MEOX1: variants seen among roughly 807,000 people sequenced by gnomAD.
MEOX1 encodes the protein homeobox protein MOX-1.
Under a neutral mutation model 23.2 loss-of-function variants are expected in MEOX1, and 17 were observed. The observed-to-expected ratio is 0.73, with a 90% confidence interval of 0.50 to 1.10. The LOEUF is 1.10. Among genes scored for constraint, MEOX1 ranks in the 50% least tolerant of loss-of-function variants. The pLI, the probability that MEOX1 is intolerant of heterozygous loss-of-function variation, is 0.00. For synonymous variants in MEOX1, 134 were observed against 135.1 expected, an observed-to-expected ratio of 0.99 and a Z score of 0.06; for missense variants, 333 against 332.2, an observed-to-expected ratio of 1.00 and a Z score of -0.02.
chr17:43,660,893 A>G (rs1055531830), intron 1 of MEOX1, among the ~76,000 whole-genome samples, 173 bp downstream of exon 1: 1 of 152,072 alleles, frequency 6.6e-6, no homozygotes, highest in Non-Finnish European at 1.5e-5. Flanking sequence ...CCCCATCACC[A>G]GAGAATCCTA....
chr17:43,660,183 G>A (rs566307127), intron 1 of MEOX1, among the ~76,000 whole-genome samples: 1 of 152,334 alleles, frequency 6.6e-6, no homozygotes, highest in South Asian at 2.1e-4. Context: ...CAGGTATAGT[G>A]AGCAACCAGG....
At chr17:43,651,258 G>A (rs758662186) in intron 1 of MEOX1, among the ~76,000 whole-genome samples, 2 of 152,184 alleles carry the variant, frequency 1.3e-5, no homozygotes, top group South Asian at 2.1e-4. Flanking sequence ...GGCCGAGCTT[G>A]CAGGAAGCCT....
intron 1 of MEOX1, among the ~76,000 whole-genome samples, chr17:43,657,277 A>G (rs915906548): frequency 7.0e-6 from 1 of 142,544 alleles, no homozygotes; most frequent in African/African-American, 2.6e-5. Context: ...AGTTCAAGCT[A>G]TTCTCCTGCC....
At chr17:43,645,322 G>A (rs1598260510) in intron 1 of MEOX1, among the ~76,000 whole-genome samples, 2 of 151,730 alleles carry the variant, frequency 1.3e-5, no homozygotes, top group African/African-American at 4.8e-5. Flanking sequence ...GACTACAGGC[G>A]CCCGCCACCA....
chr17:43,642,129 C>A, intron 2 of MEOX1, 97 bp from the exon 3 acceptor site: 1 of 1,368,526 alleles, frequency 7.3e-7, no homozygotes, highest in Non-Finnish European at 1.0e-6. Flanking sequence ...CTCCAGGGAC[C>A]CCAGCTTGAA....
rs974479173 is a variant in MEOX1 at position 43,651,737 on chromosome 17, C to G, written c.470-8077G>C. Reference sequence around the variant, plus strand: ...ATTCTCTGCCTCTGAGTTATCCCCCCTCCCTGGGCCCAAGTGCCCGTGATT... The same window carrying G: ...ATTCTCTGCCTCTGAGTTATCCCCCGTCCCTGGGCCCAAGTGCCCGTGATT... On this transcript the variant is annotated intron_variant, in intron 1 of 2. Transcript: ENST00000318579. Among the ~76,000 whole-genome samples the G allele has an allele frequency of 7.2e-5, 11 of 152,324 alleles. 1 individual carries two copies. The Middle Eastern group carries it at 0.017, about 236-fold the overall frequency.
chr17:43,642,098 C>A, intron 2 of MEOX1, 66 bp from the exon 3 acceptor site: 1 of 1,541,614 alleles, frequency 6.5e-7, no homozygotes, highest in Non-Finnish European at 8.8e-7. Flanking sequence ...CATGTCAATG[C>A]TTAGGCTAGC....
chr17:43,648,131 C>A (rs150193524), intron 1 of MEOX1, among the ~76,000 whole-genome samples: 38 of 152,324 alleles, frequency 2.5e-4, no homozygotes, highest in African/African-American at 8.4e-4. Context: ...TGTTCGGTCA[C>A]CCTGCTCATG....
At chr17:43,655,344 G>T (rs1567747388) in intron 1 of MEOX1, among the ~76,000 whole-genome samples, 1 of 151,900 alleles carries the variant, frequency 6.6e-6, no homozygotes, top group Non-Finnish European at 1.5e-5. Context: ...GGTGGCGTGT[G>T]CCTGTAGTCC....
At chr17:43,651,682 G>T (rs1287246895) in intron 1 of MEOX1, among the ~76,000 whole-genome samples, 3 of 152,252 alleles carry the variant, frequency 2.0e-5, no homozygotes, top group African/African-American at 7.2e-5. Flanking sequence ...GTCTGCAGGG[G>T]CTGTGAGTCC....
At chr17:43,651,106 C>T (rs990429361) in intron 1 of MEOX1, among the ~76,000 whole-genome samples, 3 of 152,118 alleles carry the variant, frequency 2.0e-5, no homozygotes, top group Admixed American at 1.3e-4. Flanking sequence ...ATCACGAGAT[C>T]AGGAGATCGA....
intron 1 of MEOX1, among the ~76,000 whole-genome samples, chr17:43,645,221 G>A (rs1290645658): frequency 3.6e-5 from 5 of 138,270 alleles, no homozygotes; most frequent in African/African-American, 1.3e-4. Context: ...CTGTCGCCAA[G>A]GCTAGAGTGC....
At position 43,641,888 on chromosome 17, in the gene MEOX1, C is replaced by T. The variant is rs745645557; in HGVS notation, c.*22G>A. 4.4e-6 allele frequency: 7 copies of T among 1,605,446 alleles called. No individual in the cohort carries two copies. The Admixed American group carries it at 6.8e-5, about 15-fold the overall frequency. On this transcript the variant is annotated 3_prime_UTR_variant, in exon 3 of 3. Coordinates refer to ENST00000318579, the MANE Select transcript of MEOX1 (RefSeq NM_004527.4). ...TTGGGTAGGGGGCTCAGTCCTTAGT[C>T]ATTTTTCCTCCATGCAGAATCTCAC...
At position 43,661,257 on chromosome 17, in the gene MEOX1, T is replaced by C. The variant is rs1309779175; in HGVS notation, c.278A>G (p.Asn93Ser). 22 of 1,609,124 alleles carry C rather than the reference T, an allele frequency of 1.4e-5. No homozygotes were observed. In the Middle Eastern group the frequency reaches 5.0e-4, roughly 36 times the overall value. The change falls in exon 1 of 3, where the codon AAC becomes AGC. Residue 93 changes from asparagine (N) to serine (S), a missense_variant. Physicochemically the swap from Asn to Ser is conservative, Grantham distance 46. Transcript: ENST00000318579. ...GGCGTCTGAGACAGGGAAGTGCCAG[T>C]TGGGGGACTGTGGGAAAGCGGGGTG... The part of the protein sequence containing the change: ...EQHPAFPQSP[N>S]WHFPVSDARR...
At chr17:43,646,036 C>G (rs997176017) in intron 1 of MEOX1, among the ~76,000 whole-genome samples, 37 of 152,172 alleles carry the variant, frequency 2.4e-4, no homozygotes, top group Non-Finnish European at 7.4e-5. Context: ...GCCCGATAGT[C>G]CCGGTGCCCG....
chr17:43,642,075 G>A lies in MEOX1; in HGVS notation c.643-43C>T, dbSNP rs749066529. On this transcript the variant is annotated intron_variant, in intron 2 of 2. Transcript: ENST00000318579. ...GGAGCCTGGTCACTCCAGGGCCGGT[G>A]TGACCTCCTCCCCATGTCAATGCTT... 5.0e-6 allele frequency: 8 copies of A among 1,585,006 alleles called. No homozygotes were observed. The East Asian group carries it at 1.8e-4, about 36-fold the overall frequency.
At chr17:43,658,786 A>C (rs777091678) in intron 1 of MEOX1, among the ~76,000 whole-genome samples, 51 of 152,182 alleles carry the variant, frequency 3.4e-4, no homozygotes, top group Non-Finnish European at 6.5e-4. Flanking sequence ...GTTAAATTCC[A>C]AAGGAGGATG....
At chr17:43,645,089 C>G (rs1397028369) in intron 1 of MEOX1, among the ~76,000 whole-genome samples, 4 of 151,868 alleles carry the variant, frequency 2.6e-5, no homozygotes, top group Non-Finnish European at 5.9e-5. Context: ...ACAATTAACT[C>G]GCAATGCATG....
Position 43,661,116 on chromosome 17 carries a change from G to C in MEOX1, c.419C>G (p.Thr140Ser), listed in dbSNP as rs761642873. The change falls in exon 1 of 3, where the codon ACT becomes AGT. Residue 140 changes from threonine (T) to serine (S), a missense_variant. Thr to Ser is a moderately conservative substitution (Grantham distance 58). Transcript: ENST00000318579. Reference sequence around the variant, plus strand: ...TGATTTCTTCTCTGTCTCATTGGCAGTGCTCCCAAGCACCCCGTAGTCATC... The same window carrying C: ...TGATTTCTTCTCTGTCTCATTGGCACTGCTCCCAAGCACCCCGTAGTCATC... ...PGDDYGVLGS[T>S]ANETEKKSSR... is the part of the protein sequence containing the mutation. 1.5e-5 allele frequency: 23 copies of C among 1,509,332 alleles called. No individual in the cohort carries two copies. The highest frequency in any genetic ancestry group is 2.0e-5 in the Non-Finnish European group (23 of 1,129,914). 93.5% of individuals were successfully genotyped at this position (1,509,332 alleles called of 1,614,324 possible).
Sources: allele counts gnomAD v4.1 joint callset (sites outside exome capture counted in the v4.1 genomes callset), GRCh38; gene constraint gnomAD v4.1.1; transcripts MANE v1.5; gene names NCBI Gene and HGNC (gene_info 2026-07-23, HGNC 2026-07-21).